CTNNA2: variants seen among roughly 807,000 people sequenced by gnomAD.
CTNNA2 encodes the protein catenin alpha-2.
A neutral mutation model predicts 101.0 loss-of-function variants in CTNNA2; 42 were observed. The ratio of observed to expected loss-of-function variants is 0.42; its 90% CI spans 0.32 to 0.54. The LOEUF (loss-of-function observed/expected upper bound fraction) is 0.54, where lower values mean the gene tolerates loss of function less well. CTNNA2 is among the 20% of genes least tolerant of loss of function. The pLI, the probability that CTNNA2 is intolerant of heterozygous loss-of-function variation, is 0.14. For missense variants in CTNNA2, 871 were observed against 1,223.1 expected, an observed-to-expected ratio of 0.71 and a Z score of 4.29; for synonymous variants, 450 against 456.4, an observed-to-expected ratio of 0.99 and a Z score of 0.18.
intron 9 of CTNNA2, among the ~76,000 whole-genome samples, chr2:80,536,407 CATG>C (rs1366245772): frequency 2.0e-5 from 3 of 151,994 alleles, no homozygotes; most frequent in Non-Finnish European, 4.4e-5. Context: ...GAAATATTAA[CATG>C]AGGAGCAAGT....
intron 4 of CTNNA2, among the ~76,000 whole-genome samples, chr2:79,415,881 G>A (rs1001444215): frequency 3.3e-5 from 5 of 151,992 alleles, no homozygotes; most frequent in Admixed American, 2.0e-4. Context: ...TTACAATTGG[G>A]GAAGTTATAT....
rs537385935 is a variant in CTNNA2 at position 80,124,027 on chromosome 2, G to C, written c.1056+214230G>C. ...AGATAGATGCTTTTGAAATAGGCTA[G>C]AAAGGCAAGGAAGCAGGGTTGCTGC... On this transcript the variant is annotated intron_variant, in intron 7 of 18. Transcript: ENST00000402739. 2.6e-5 allele frequency among the ~76,000 whole-genome samples: 4 copies of C among 152,274 alleles called. No individual in the cohort carries two copies. The South Asian group carries it at 8.3e-4, about 32-fold the overall frequency.
At chr2:80,141,897 A>G (rs1032154698) in intron 7 of CTNNA2, among the ~76,000 whole-genome samples, 9 of 151,178 alleles carry the variant, frequency 6.0e-5, no homozygotes, top group Non-Finnish European at 1.3e-4. Flanking sequence ...TCTAAAGATA[A>G]CGTCTTAACA....
intron 7 of CTNNA2, among the ~76,000 whole-genome samples, chr2:80,105,932 CACTT>C (rs1700859776): frequency 1.3e-5 from 2 of 152,170 alleles, no homozygotes; most frequent in South Asian, 4.1e-4. Flanking sequence ...CACATGTTCT[CACTT>C]ACTAGTGTTA....
At chr2:79,274,767 A>G (rs1028556588) in intron 2 of CTNNA2, among the ~76,000 whole-genome samples, 4 of 152,084 alleles carry the variant, frequency 2.6e-5, no homozygotes, top group Non-Finnish European at 4.4e-5. Flanking sequence ...TAAAAATTTA[A>G]GCAATGCAAT....
At chr2:79,214,893 C>T (rs775768791) in intron 2 of CTNNA2, among the ~76,000 whole-genome samples, 39 of 151,810 alleles carry the variant, frequency 2.6e-4, no homozygotes, top group East Asian at 5.9e-4. Context: ...GAAGCCTGGC[C>T]GTCAATACCC....
At chr2:79,593,818 T>C (rs1677015809) in intron 1 of CTNNA2, among the ~76,000 whole-genome samples, 1 of 151,860 alleles carries the variant, frequency 6.6e-6, no homozygotes, top group Non-Finnish European at 1.5e-5. Context: ...TGATACAGGT[T>C]GGTATCATTG....
intron 7 of CTNNA2, among the ~76,000 whole-genome samples, chr2:80,269,149 G>A (rs562457490): frequency 1.3e-5 from 2 of 152,300 alleles, no homozygotes; most frequent in African/African-American, 4.8e-5. Context: ...GTTTGGCTGT[G>A]TTCCCACCCA....
At chr2:79,336,400 A>C (rs1676995989) in intron 3 of CTNNA2, among the ~76,000 whole-genome samples, 1 of 152,134 alleles carries the variant, frequency 6.6e-6, no homozygotes, top group African/African-American at 2.4e-5. Flanking sequence ...ATATCTTCAA[A>C]GACAATGTTA....
chr2:79,563,253 T>C (rs1356288517), intron 1 of CTNNA2, among the ~76,000 whole-genome samples: 1 of 151,526 alleles, frequency 6.6e-6, no homozygotes, highest in African/African-American at 2.4e-5. Context: ...TAAATGCATA[T>C]ACTTACATAA....
rs561843337 is a variant in CTNNA2, at chr2:79,873,941, G to C, written c.586-135G>C. The C allele has an allele frequency of 9.5e-6, 13 of 1,368,964 alleles. No individual in the cohort carries two copies. The African/African-American group carries it at 1.9e-4, about 20-fold the overall frequency. The allele number at this position is 1,368,964 out of a possible 1,614,324, so 84.8% of individuals were successfully genotyped here. A position where few individuals can be genotyped will look rare whatever the true frequency, so the allele number is the denominator to read the frequency against. Reference sequence around the variant, plus strand: ...AAACAAACAAAAGAGTATATGCAAAGGCCTGGCAGCTAGAAACAGCACAAG... The same window carrying C: ...AAACAAACAAAAGAGTATATGCAAACGCCTGGCAGCTAGAAACAGCACAAG... On this transcript the variant is annotated intron_variant, in intron 5 of 18. Coordinates refer to ENST00000402739, the MANE Select transcript of CTNNA2 (RefSeq NM_001282597.3).
intron 7 of CTNNA2, among the ~76,000 whole-genome samples, chr2:80,148,612 T>G (rs1205531485): frequency 6.6e-6 from 1 of 152,234 alleles, no homozygotes; most frequent in African/African-American, 2.4e-5. Flanking sequence ...TTTAAGAGAT[T>G]TGATTCTGGA....
chr2:79,633,381 A>G (rs1215615270), intron 1 of CTNNA2, among the ~76,000 whole-genome samples: 1 of 152,196 alleles, frequency 6.6e-6, no homozygotes, highest in Non-Finnish European at 1.5e-5. Context: ...CTGAGTTGCT[A>G]TCACATCTTG....
intron 3 of CTNNA2, among the ~76,000 whole-genome samples, chr2:79,829,408 CACACACAG>C (rs1240822839): frequency 9.4e-4 from 122 of 129,524 alleles, no homozygotes; most frequent in African/African-American, 2.2e-3. Flanking sequence ...CACACACACA[CACACACAG>C]ACACAAAGCC....
intron 7 of CTNNA2, among the ~76,000 whole-genome samples, chr2:80,324,990 G>A (rs1308480302): frequency 6.6e-6 from 1 of 152,014 alleles, no homozygotes; most frequent in Admixed American, 6.6e-5. Flanking sequence ...ATTACTACTG[G>A]ATATTATGTT....
At chr2:79,377,580 ATCTC>A (rs1435508942) in intron 4 of CTNNA2, among the ~76,000 whole-genome samples, 2 of 152,122 alleles carry the variant, frequency 1.3e-5, no homozygotes, top group Non-Finnish European at 2.9e-5. Flanking sequence ...GGGAGACAGT[ATCTC>A]TCTCCAAAGC....
At chr2:80,503,858 C>T (rs76956992) in intron 9 of CTNNA2, among the ~76,000 whole-genome samples, 1,704 of 152,144 alleles carry the variant, frequency 0.011, 43 homozygotes, top group African/African-American at 0.039. Flanking sequence ...AGGAAATAGT[C>T]TGCAAGGCCA....
chr2:79,253,611 G>A (rs769549613), intron 2 of CTNNA2, among the ~76,000 whole-genome samples: 1 of 151,420 alleles, frequency 6.6e-6, no homozygotes, highest in Non-Finnish European at 1.5e-5. Flanking sequence ...GACATTGGTT[G>A]CCCAAGGGGC....
chr2:80,127,018 A>T lies in CTNNA2; in HGVS notation c.1056+217221A>T, dbSNP rs551566880. Reference sequence around the variant, plus strand: ...CAAGTGTGGGTTGTTGCTATGATTCATCAGTGTTGTTTTCTCAGACAAAAG... The same window carrying T: ...CAAGTGTGGGTTGTTGCTATGATTCTTCAGTGTTGTTTTCTCAGACAAAAG... On this transcript the variant is annotated intron_variant, in intron 7 of 18. Coordinates refer to ENST00000402739, the MANE Select transcript of CTNNA2 (RefSeq NM_001282597.3). Among the ~76,000 whole-genome samples, 5 of 152,270 alleles carry T rather than the reference A, an allele frequency of 3.3e-5. No individual in the cohort carries two copies. The East Asian group carries it at 9.7e-4, about 29-fold the overall frequency.
Sources: allele counts gnomAD v4.1 joint callset (sites outside exome capture counted in the v4.1 genomes callset), GRCh38; gene constraint gnomAD v4.1.1; transcripts MANE v1.5; gene names NCBI Gene and HGNC (gene_info 2026-07-23, HGNC 2026-07-21).